RBPMS: variants seen among roughly 807,000 people sequenced by gnomAD.
RBPMS encodes the protein RNA-binding protein with multiple splicing.
RBPMS carries 7 observed loss-of-function variants against 26.8 expected under a neutral mutation model. That is an observed-to-expected ratio of 0.26 (90% CI 0.15 to 0.49). The LOEUF (loss-of-function observed/expected upper bound fraction) is 0.49, where lower values mean the gene tolerates loss of function less well. Among genes scored for constraint, RBPMS ranks in the 20% least tolerant of loss-of-function variants. The pLI is 0.98. For missense variants in RBPMS, 186 were observed against 250.0 expected, an observed-to-expected ratio of 0.74 and a Z score of 1.73; for synonymous variants, 96 against 93.3, an observed-to-expected ratio of 1.03 and a Z score of -0.17.
intron 4 of RBPMS, among the ~76,000 whole-genome samples, chr8:30,493,264 G>T (rs1215566564): frequency 6.6e-6 from 1 of 152,192 alleles, no homozygotes; most frequent in Admixed American, 6.5e-5. Flanking sequence ...TATTGCCTAG[G>T]ATCTGCTTCC....
chr8:30,522,351 C>CAAA (rs1823145907), intron 5 of RBPMS, among the ~76,000 whole-genome samples: 1 of 149,590 alleles, frequency 6.7e-6, no homozygotes, highest in South Asian at 2.1e-4. Context: ...ACAACAACAA[C>CAAA]AAACCATGTG....
chr8:30,567,187 A>C (rs1409897087), intron 8 of RBPMS, among the ~76,000 whole-genome samples: 1 of 152,212 alleles, frequency 6.6e-6, no homozygotes, highest in East Asian at 1.9e-4. Context: ...TCTGAAAGGA[A>C]CAAGATTCCT....
At chr8:30,540,279 C>T (rs1357062262) in intron 5 of RBPMS, among the ~76,000 whole-genome samples, 5 of 152,126 alleles carry the variant, frequency 3.3e-5, no homozygotes, top group Non-Finnish European at 7.3e-5. Flanking sequence ...TGACTGATCC[C>T]AGACCATGAG....
intron 4 of RBPMS, among the ~76,000 whole-genome samples, chr8:30,488,044 A>T (rs1008571723): frequency 2.0e-5 from 3 of 152,170 alleles, no homozygotes; most frequent in African/African-American, 7.2e-5. Context: ...GTTGGGTAGA[A>T]AATTCCTTTT....
chr8:30,489,480 C>A (rs1230787746), intron 4 of RBPMS, among the ~76,000 whole-genome samples: 4 of 150,966 alleles, frequency 2.6e-5, no homozygotes, highest in African/African-American at 4.9e-5. Flanking sequence ...TTTTTCGAGA[C>A]AGTCTCGCTC....
chr8:30,545,923 A>G (rs1310316636), intron 6 of RBPMS, among the ~76,000 whole-genome samples: 2 of 152,202 alleles, frequency 1.3e-5, no homozygotes, highest in Non-Finnish European at 2.9e-5. Context: ...TTGAGAGTAC[A>G]TGGCACAGAA....
Position 30,477,821 on chromosome 8 carries a change from A to G in RBPMS, c.167A>G (p.Lys56Arg). Reference sequence around the variant, plus strand: ...CAGGGCTATGAGGGTTCTCTTATAAAGCTCACATCTAAACAGGTAAGAATT... The same window carrying G: ...CAGGGCTATGAGGGTTCTCTTATAAGGCTCACATCTAAACAGGTAAGAATT... ...PFKGYEGSLI[K>R]LTSKQPVGFV... is the part of the protein sequence containing the mutation. Residue 56 changes from lysine (K) to arginine (R), a missense_variant, in exon 3 of 9, where the codon AAG (lysine) becomes AGG (arginine). Around this residue, in one of 3 missense-constraint regions of RBPMS, gnomAD observed 50 missense variants for 108.5 expected, o/e 0.46. Transcript: ENST00000397323. The G allele has an allele frequency of 2.5e-6, 4 of 1,610,136 alleles. No homozygotes were observed. Among genetic ancestry groups the G allele is most frequent in the South Asian group, 1.1e-5 (1 of 90,888 alleles).
chr8:30,516,857 T>C (rs1217718455), intron 5 of RBPMS, among the ~76,000 whole-genome samples: 1 of 150,200 alleles, frequency 6.7e-6, no homozygotes, highest in Non-Finnish European at 1.5e-5. Context: ...CTGTGAATGG[T>C]CACTGCACTC....
At chr8:30,524,208 T>C (rs1196979707) in intron 5 of RBPMS, among the ~76,000 whole-genome samples, 1 of 152,202 alleles carries the variant, frequency 6.6e-6, no homozygotes, top group Non-Finnish European at 1.5e-5. Context: ...CATTTTGTGA[T>C]GTTTACAGCC....
chr8:30,549,591 G>A, intron 6 of RBPMS: 2 of 1,611,052 alleles, frequency 1.2e-6, no homozygotes, highest in Non-Finnish European at 1.7e-6. Flanking sequence ...GTTTGGTGAG[G>A]CTTTCTAGGA....
At chr8:30,561,039 T>C (rs1827434183) in intron 7 of RBPMS, among the ~76,000 whole-genome samples, 1 of 152,246 alleles carries the variant, frequency 6.6e-6, no homozygotes, top group African/African-American at 2.4e-5. Flanking sequence ...GTATCCTTTT[T>C]AAATGGTAGT....
intron 6 of RBPMS, chr8:30,544,972 G>A (rs1229076141): frequency 6.9e-7 from 1 of 1,455,080 alleles, no homozygotes; most frequent in Non-Finnish European, 9.0e-7. Flanking sequence ...TGTGTGGAAG[G>A]GCTGCAGAGG....
intron 1 of RBPMS, among the ~76,000 whole-genome samples, chr8:30,468,543 A>G (rs941393780): frequency 6.6e-6 from 1 of 152,096 alleles, no homozygotes; most frequent in Admixed American, 6.6e-5. Context: ...TTTGCTTGCC[A>G]TGTCACCAGC....
At chr8:30,541,799 T>TGAA (rs999189143) in intron 5 of RBPMS, among the ~76,000 whole-genome samples, 1 of 152,248 alleles carries the variant, frequency 6.6e-6, no homozygotes, top group African/African-American at 2.4e-5. Flanking sequence ...GGAGTCCTTG[T>TGAA]GAAGGGCTTG....
intron 6 of RBPMS, among the ~76,000 whole-genome samples, chr8:30,554,503 T>C: frequency 6.6e-6 from 1 of 152,192 alleles, no homozygotes; most frequent in East Asian, 1.9e-4. Flanking sequence ...GGGACCAAAT[T>C]GTGCATTTCT....
At chr8:30,385,317 A>G in intron 1 of RBPMS, 159 bp downstream of exon 1, 1 of 469,108 alleles carries the variant, frequency 2.1e-6, no homozygotes, top group Non-Finnish European at 3.6e-6. Flanking sequence ...GGATCTCGGG[A>G]GCGTGTGTTT....
intron 5 of RBPMS, among the ~76,000 whole-genome samples, chr8:30,517,942 G>A (rs1234332966): frequency 6.6e-6 from 1 of 152,006 alleles, no homozygotes; most frequent in African/African-American, 2.4e-5. Context: ...AAAAGAGCTG[G>A]AGCTCATGAT....
chr8:30,466,382 A>G (rs1816493152), intron 1 of RBPMS, among the ~76,000 whole-genome samples: 1 of 152,136 alleles, frequency 6.6e-6, no homozygotes, highest in Non-Finnish European at 1.5e-5. Flanking sequence ...CCTACAAAAA[A>G]TAAACATAAT....
intron 4 of RBPMS, among the ~76,000 whole-genome samples, chr8:30,499,593 A>G (rs544542445): frequency 3.5e-4 from 54 of 152,208 alleles, no homozygotes; most frequent in Non-Finnish European, 5.4e-4. Flanking sequence ...GCGTAACCTG[A>G]ATCTAAACCA....
Sources: allele counts gnomAD v4.1 joint callset (sites outside exome capture counted in the v4.1 genomes callset), GRCh38; gene constraint gnomAD v4.1.1; regional missense constraint gnomAD v4.1.1; transcripts MANE v1.5; gene names NCBI Gene and HGNC (gene_info 2026-07-23, HGNC 2026-07-21).